The following PDE11A variants were observed in gnomAD, a reference collection of about 807,000 sequenced individuals.
PDE11A encodes phosphodiesterase 11A, also known as dual 3',5'-cyclic-AMP and -GMP phosphodiesterase 11A.
PDE11A carries 100 observed loss-of-function variants against 100.5 expected under a neutral mutation model. The observed-to-expected ratio is 1.00, with a 90% confidence interval of 0.85 to 1.18. PDE11A has a LOEUF of 1.18. Among genes scored for constraint, PDE11A ranks in the 50% most tolerant of loss-of-function variants. The pLI is 0.00. For missense variants in PDE11A, 1,141 were observed against 1,152.6 expected, an observed-to-expected ratio of 0.99 and a Z score of 0.15; for synonymous variants, 381 against 420.8, an observed-to-expected ratio of 0.91 and a Z score of 1.16.
At chr2:178,034,718 A>T (rs2086588884) in intron 1 of PDE11A, among the ~76,000 whole-genome samples, 1 of 152,174 alleles carries the variant, frequency 6.6e-6, no homozygotes, top group African/African-American at 2.4e-5. Context: ...GGATTAAGAA[A>T]CTCACTAAAA....
chr2:178,101,056 TTTAATA>T (rs2087553540), intron 2 of PDE11A, among the ~76,000 whole-genome samples: 1 of 152,126 alleles, frequency 6.6e-6, no homozygotes, highest in South Asian at 2.1e-4. Flanking sequence ...GCAATACAAG[TTTAATA>T]CTACCTGCCC....
At chr2:177,935,854 C>T (rs1438654183) in intron 2 of PDE11A, among the ~76,000 whole-genome samples, 1 of 152,214 alleles carries the variant, frequency 6.6e-6, no homozygotes, top group Non-Finnish European at 1.5e-5. Context: ...AGCTCCCTAT[C>T]TCCAAGAGAT....
intron 13 of PDE11A, among the ~76,000 whole-genome samples, chr2:177,702,132 G>C (rs557480998): frequency 6.6e-6 from 1 of 152,152 alleles, no homozygotes; most frequent in Non-Finnish European, 1.5e-5. Context: ...GGATTACTTT[G>C]AGTTATCTGT....
At chr2:177,719,453 C>T (rs754243812) in intron 12 of PDE11A, among the ~76,000 whole-genome samples, 2 of 152,074 alleles carry the variant, frequency 1.3e-5, no homozygotes, top group African/African-American at 4.8e-5. Context: ...GGTTGAGGGA[C>T]AATATGATAG....
At chr2:177,953,436 T>G (rs1462444532) in intron 2 of PDE11A, among the ~76,000 whole-genome samples, 1 of 152,172 alleles carries the variant, frequency 6.6e-6, no homozygotes, top group African/African-American at 2.4e-5. Context: ...AATATCATAA[T>G]GTTTTAAAGA....
intron 3 of PDE11A, chr2:177,899,509 C>T (rs781677660): frequency 2.0e-5 from 6 of 306,078 alleles, no homozygotes; most frequent in Non-Finnish European, 3.3e-5. Context: ...ACTTACAAAG[C>T]AGCTTTTCCT....
intron 1 of PDE11A, among the ~76,000 whole-genome samples, chr2:178,032,504 T>A (rs1412998950): frequency 2.0e-5 from 3 of 148,172 alleles, no homozygotes; most frequent in African/African-American, 7.4e-5. Context: ...AAAAAGGACT[T>A]GGGTTTTCCA....
chr2:177,786,035 T>G (rs2082531973), intron 9 of PDE11A, among the ~76,000 whole-genome samples: 1 of 152,174 alleles, frequency 6.6e-6, no homozygotes. Flanking sequence ...AAGAGAGCAG[T>G]GGTTCTCCCA....
At chr2:177,696,985 A>T (rs1219550930) in intron 15 of PDE11A, among the ~76,000 whole-genome samples, 1 of 152,234 alleles carries the variant, frequency 6.6e-6, no homozygotes, top group South Asian at 2.1e-4. Context: ...CATCTTCGTT[A>T]TCAATGCCAT....
chr2:177,710,806 A>C (rs981901050), intron 13 of PDE11A, among the ~76,000 whole-genome samples: 6 of 152,238 alleles, frequency 3.9e-5, no homozygotes, highest in African/African-American at 1.2e-4. Flanking sequence ...GGAGGAAAAA[A>C]GAGAATGATG....
intron 1 of PDE11A, among the ~76,000 whole-genome samples, chr2:178,071,225 G>C (rs538386994): frequency 1.3e-3 from 201 of 152,234 alleles, no homozygotes; most frequent in Non-Finnish European, 2.1e-3. Flanking sequence ...GAGGAGGAGG[G>C]AGCTGTGGAT....
intron 5 of PDE11A, among the ~76,000 whole-genome samples, chr2:177,846,246 T>C (rs961661000): frequency 6.6e-6 from 1 of 152,182 alleles, no homozygotes; most frequent in African/African-American, 2.4e-5. Context: ...AAAGTGATCT[T>C]AGGAAAACTT....
intron 10 of PDE11A, among the ~76,000 whole-genome samples, chr2:177,729,415 G>T (rs1041468570): frequency 5.9e-5 from 9 of 152,074 alleles, no homozygotes; most frequent in Admixed American, 5.2e-4. Flanking sequence ...CACCATAATT[G>T]TGGGGATGCC....
At chr2:177,884,820 G>A (rs911178771) in intron 4 of PDE11A, among the ~76,000 whole-genome samples, 1 of 152,192 alleles carries the variant, frequency 6.6e-6, no homozygotes, top group African/African-American at 2.4e-5. Flanking sequence ...GAAGGTGGTA[G>A]AAAGAGTGAG....
At chr2:177,816,219 A>G (rs1276105255) in intron 9 of PDE11A, among the ~76,000 whole-genome samples, 4 of 152,154 alleles carry the variant, frequency 2.6e-5, no homozygotes, top group Admixed American at 2.0e-4. Flanking sequence ...ACAAAACAAA[A>G]AAAACAACTA....
chr2:177,704,523 A>T (rs1426416069), intron 13 of PDE11A, among the ~76,000 whole-genome samples: 1 of 152,062 alleles, frequency 6.6e-6, no homozygotes, highest in African/African-American at 2.4e-5. Flanking sequence ...ACACACTGGG[A>T]ACTTCCTGGG....
intron 18 of PDE11A, among the ~76,000 whole-genome samples, chr2:177,668,987 A>G (rs1358326): frequency 0.81 from 123,555 of 152,186 alleles, 50,918 homozygotes; most frequent in East Asian, 0.98. Flanking sequence ...CTGAGCAGAT[A>G]AGTCCAATAT....
At chr2:178,014,200 G>T in intron 2 of PDE11A, 102 bp downstream of exon 2, 1 of 891,992 alleles carries the variant, frequency 1.1e-6, no homozygotes, top group Non-Finnish European at 1.9e-6. Context: ...TCCATGAATG[G>T]GCTAATCCAA....
chr2:177,667,594 GA>G (rs201879736), intron 18 of PDE11A, among the ~76,000 whole-genome samples: 4 of 151,888 alleles, frequency 2.6e-5, no homozygotes, highest in Non-Finnish European at 4.4e-5. Context: ...TGCTTGATGA[GA>G]AAAAAAATGA....
Sources: gnomAD v4.1 joint callset for allele counts (sites outside exome capture counted in the v4.1 genomes callset) on GRCh38, gnomAD v4.1.1 for gene constraint, MANE v1.5 for transcripts, NCBI Gene and HGNC (gene_info 2026-07-23, HGNC 2026-07-21) for gene names.